Variants in HNRNPH3 observed in about 807,000 individuals in gnomAD.
The protein encoded by HNRNPH3 is heterogeneous nuclear ribonucleoprotein H3, also known as heterogeneous nuclear ribonucleoprotein 2H9.
In HNRNPH3, 7 loss-of-function variants were observed where a neutral mutation model predicts 47.0. The observed-to-expected ratio is 0.15, with a 90% confidence interval of 0.08 to 0.28. The LOEUF (loss-of-function observed/expected upper bound fraction) is 0.28, where lower values mean the gene tolerates loss of function less well. HNRNPH3 is among the 10% of genes least tolerant of loss of function. The pLI is 1.00. For synonymous variants in HNRNPH3, 120 were observed against 143.2 expected (o/e 0.84, Z 1.16); for missense variants, 279 against 449.6 (o/e 0.62, Z 3.43).
Position 68,341,240 on chromosome 10 carries a change from G to A in HNRNPH3, c.706G>A (p.Glu236Lys). The A allele has an allele frequency of 1.9e-6, 3 of 1,605,104 alleles. No homozygotes were observed. The highest frequency in any genetic ancestry group is 2.5e-6 in the Non-Finnish European group (3 of 1,177,282). The change falls in exon 7 of 10, where the codon GAA becomes AAA. Residue 236 changes from glutamate (E) to lysine (K), a missense_variant. Coordinates refer to ENST00000265866, the MANE Select transcript of HNRNPH3 (RefSeq NM_012207.3). ...DIGADGRATG[E>K]ADVEFVTHED... ...TGGAGCTGATGGCAGAGCCACAGGA[G>A]AAGCAGATGTAGAGTTTGTGACACA...
At chr10:68,340,115 A>G (rs1171582547) in intron 6 of HNRNPH3, among the ~76,000 whole-genome samples, 2 of 151,700 alleles carry the variant, frequency 1.3e-5, no homozygotes, top group African/African-American at 4.9e-5. Flanking sequence ...GCTCACTGCA[A>G]CCTCCACCTC....
In HNRNPH3 at chr10:68,339,174, T is replaced by C; in HGVS notation, c.471T>C (p.Asn157=). The part of the protein sequence containing the change: ...YGGFDDYGGY[N]NYGYGNDGFD... ...GTTTTGATGACTATGGTGGCTATAA[T>C]AATTACGGCTATGGGAATGATGGCT... is the stretch of plus-strand genomic sequence containing the variant. Residue 157 remains asparagine (N), a synonymous_variant, in exon 5 of 10, where the codon AAT becomes AAC. Coordinates refer to ENST00000265866, the MANE Select transcript of HNRNPH3 (RefSeq NM_012207.3). 6.2e-7 allele frequency: 1 copy of C among 1,610,704 alleles called. No homozygotes were observed.
Position 68,338,695 on chromosome 10 carries a change from T to C in HNRNPH3, c.436+8T>C. 1 of 1,558,960 alleles carries C rather than the reference T, an allele frequency of 6.4e-7. No homozygotes were observed. Among genetic ancestry groups the C allele is most frequent in the East Asian group, 2.3e-5 (1 of 43,680 alleles). On this transcript the variant is annotated splice_region_variant and intron_variant, in intron 4 of 9. Transcript: ENST00000265866. Reference sequence around the variant, plus strand: ...GTGATGGATATGATGGTGGTATGTGTATCTAATGAACAAAGGTTCTGTTGT... The same window carrying C: ...GTGATGGATATGATGGTGGTATGTGCATCTAATGAACAAAGGTTCTGTTGT...
chr10:68,334,268 T>G (rs1016709784), intron 1 of HNRNPH3, among the ~76,000 whole-genome samples: 3 of 152,254 alleles, frequency 2.0e-5, no homozygotes, highest in African/African-American at 7.2e-5. Context: ...AAATTCATTC[T>G]CATTTCTTGA....
chr10:68,336,593 ATCT>A (rs1364914520), intron 1 of HNRNPH3, among the ~76,000 whole-genome samples: 4 of 152,144 alleles, frequency 2.6e-5, no homozygotes, highest in Admixed American at 2.6e-4. Flanking sequence ...TCATTTTATA[ATCT>A]TGCTCTTGGT....
chr10:68,339,180 C>G lies in HNRNPH3; in HGVS notation c.477C>G (p.Tyr159Ter), dbSNP rs112332074. The G allele has an allele frequency of 1.9e-6, 3 of 1,609,416 alleles. No homozygotes were observed. The highest frequency in any genetic ancestry group is 1.3e-5 in the African/African-American group (1 of 74,758). The change falls in exon 5 of 10, where the codon TAC becomes TAG. Residue 159 changes from tyrosine to a stop codon, truncating the protein, a stop_gained. Transcript: ENST00000265866. LOFTEE classifies it high-confidence loss of function. ...GFDDYGGYNN[Y>*]GYGNDGFDDR... ...ATGACTATGGTGGCTATAATAATTA[C>G]GGCTATGGGAATGATGGCTTTGATG...
intron 1 of HNRNPH3, chr10:68,336,835 T>C (rs1178722802): frequency 5.9e-6 from 1 of 168,560 alleles, no homozygotes; most frequent in African/African-American, 2.4e-5. Flanking sequence ...ATCAGTTGAA[T>C]AAAAACCTGA....
In HNRNPH3 at chr10:68,340,794, C is replaced by G. The variant is rs527456580; in HGVS notation, c.640-380C>G. Among the ~76,000 whole-genome samples the G allele has an allele frequency of 2.1e-5, 3 of 139,902 alleles. No individual in the cohort carries two copies. The South Asian group carries it at 7.1e-4, about 33-fold the overall frequency. 91.8% of individuals were successfully genotyped at this position (139,902 alleles called of 152,430 possible). A position where few individuals can be genotyped will look rare whatever the true frequency, so the allele number is the denominator to read the frequency against. On this transcript the variant is annotated intron_variant, in intron 6 of 9. Transcript: ENST00000265866. Reference sequence around the variant, plus strand: ...AAATCATGATATCCCGTATTTCTCTCTGTGTGTTTGTGTGCTTTTTTTTTT... The same window carrying G: ...AAATCATGATATCCCGTATTTCTCTGTGTGTGTTTGTGTGCTTTTTTTTTT...
At position 68,341,673 on chromosome 10, in the gene HNRNPH3, T is replaced by C; in HGVS notation, c.864T>C (p.Asp288=). ...GGSGMGGYGR[D]GMDNQGGYGS... ...CTGGAATGGGAGGCTACGGAAGAGA[T>C]GGAATGGGTATGTAAAGTTTTTAAA... Residue 288 remains aspartate, a synonymous_variant, in exon 8 of 10, where the codon GAT becomes GAC. Transcript: ENST00000265866. The C allele has an allele frequency of 6.2e-7, 1 of 1,611,612 alleles. No individual in the cohort carries two copies. Among genetic ancestry groups the C allele is most frequent in the Non-Finnish European group, 8.5e-7 (1 of 1,177,970 alleles).
intron 7 of HNRNPH3, 119 bp from the exon 8 acceptor site, chr10:68,341,466 G>A: frequency 2.0e-6 from 2 of 997,118 alleles, no homozygotes; most frequent in Non-Finnish European, 1.5e-6. Context: ...CGCTGTACTA[G>A]TAATTAATAA....
At chr10:68,333,605 C>T (rs1008162119) in intron 1 of HNRNPH3, among the ~76,000 whole-genome samples, 1 of 152,048 alleles carries the variant, frequency 6.6e-6, no homozygotes, top group African/African-American at 2.4e-5. Flanking sequence ...AATAAGCCTA[C>T]TAAACATAAA....
In HNRNPH3 at chr10:68,337,016, C is replaced by T. The variant is rs1012924609; in HGVS notation, c.-23-183C>T. 1 of 481,384 alleles carries T rather than the reference C, an allele frequency of 2.1e-6. No homozygotes were observed. Among genetic ancestry groups the T allele is most frequent in the Non-Finnish European group, 3.7e-6 (1 of 271,478 alleles). 29.8% of individuals were successfully genotyped at this position (481,384 alleles called of 1,614,324 possible). A position where few individuals can be genotyped will look rare whatever the true frequency, so the allele number is the denominator to read the frequency against. On this transcript the variant is annotated intron_variant, in intron 1 of 9. Transcript: ENST00000265866. The surrounding 1 kb of genome is among the most constrained non-coding windows in gnomAD (Gnocchi z 4.5). ...ACTTTTCCGTAGGAGGGGGTCAGGTCTCATTGCCTTTTCCGTACCCCAAAA... is the reference window on the plus strand; with the variant it reads ...ACTTTTCCGTAGGAGGGGGTCAGGTTTCATTGCCTTTTCCGTACCCCAAAA...
chr10:68,340,025 T>C (rs1338217573), intron 6 of HNRNPH3, among the ~76,000 whole-genome samples: 3 of 151,364 alleles, frequency 2.0e-5, no homozygotes, highest in African/African-American at 4.9e-5. Context: ...TCTTTTGTTG[T>C]ACCGTTTTTT....
At chr10:68,336,263 T>C (rs1409684266) in intron 1 of HNRNPH3, among the ~76,000 whole-genome samples, 2 of 152,144 alleles carry the variant, frequency 1.3e-5, no homozygotes, top group Non-Finnish European at 1.5e-5. Context: ...AAGGTTCTGG[T>C]AAGTTTCTGC....
Position 68,339,062 on chromosome 10 carries a change from A to C in HNRNPH3, c.437-78A>C, listed in dbSNP as rs2045683630. On this transcript the variant is annotated intron_variant, in intron 4 of 9. Coordinates refer to ENST00000265866, the MANE Select transcript of HNRNPH3 (RefSeq NM_012207.3). ...ATCAAGTTACACAGACTGTTACCAC[A>C]AAATGTTTTTGTAAACTAAATTATA... 2.5e-6 allele frequency: 3 copies of C among 1,199,026 alleles called. No homozygotes were observed. The Admixed American group carries it at 6.5e-5, about 26-fold the overall frequency. The allele number at this position is 1,199,026 out of a possible 1,614,324, so 74.3% of individuals were successfully genotyped here.
rs2046068673 is a variant in HNRNPH3, at chr10:68,343,160, A to G, written c.*1106A>G. ...AACTTGTTACTTGTTTTTGCCAGAA[A>G]TGTTATTAATAAATGTCATTGTGGG... On this transcript the variant is annotated 3_prime_UTR_variant, in exon 10 of 10. Coordinates refer to ENST00000265866, the MANE Select transcript of HNRNPH3 (RefSeq NM_012207.3). 1 of 152,224 alleles carries G rather than the reference A, an allele frequency of 6.6e-6. No homozygotes were observed. 9.4% of individuals were successfully genotyped at this position (152,224 alleles called of 1,614,324 possible).
Position 68,342,228 on chromosome 10 carries a change from A to G in HNRNPH3, c.*174A>G, listed in dbSNP as rs1434858023. ...ATGGGAAAATGTTTTCTGTAGGTTTATTTGTTGCATACTTTGACTTAAAAA... is the reference window on the plus strand; with the variant it reads ...ATGGGAAAATGTTTTCTGTAGGTTTGTTTGTTGCATACTTTGACTTAAAAA... On this transcript the variant is annotated 3_prime_UTR_variant, in exon 10 of 10. Transcript: ENST00000265866. 2 of 527,154 alleles carry G rather than the reference A, an allele frequency of 3.8e-6. No homozygotes were observed. Among genetic ancestry groups the G allele is most frequent in the Admixed American group, 3.7e-5 (1 of 27,254 alleles). 32.7% of individuals were successfully genotyped at this position (527,154 alleles called of 1,614,324 possible). A position where few individuals can be genotyped will look rare whatever the true frequency, so the allele number is the denominator to read the frequency against.
intron 1 of HNRNPH3, among the ~76,000 whole-genome samples, chr10:68,336,384 A>AG (rs921257137): frequency 8.5e-5 from 13 of 152,152 alleles, no homozygotes; most frequent in African/African-American, 2.7e-4. Flanking sequence ...TTGGAGGGGA[A>AG]GGGGGGCTTC....
Position 68,342,023 on chromosome 10 carries a change from T to C in HNRNPH3, c.1010T>C (p.Met337Thr), listed in dbSNP as rs1414709811. ...GGAGGTTACTATGGGCAAGGCGGCA[T>C]GAGTGGAGGTGGATGGCGTGGGATG... ...GSGGYYGQGG[M>T]SGGGWRGMY The change falls in exon 10 of 10, where the codon ATG (methionine) becomes ACG (threonine). Residue 337 changes from methionine to threonine, a missense_variant. Physicochemically the swap from Met to Thr is moderately conservative, Grantham distance 81. Coordinates refer to ENST00000265866, the MANE Select transcript of HNRNPH3 (RefSeq NM_012207.3). 1.2e-6 allele frequency: 2 copies of C among 1,614,014 alleles called. No homozygotes were observed. The highest frequency in any genetic ancestry group is 1.7e-5 in the Admixed American group (1 of 59,994).
Sources: allele counts gnomAD v4.1 joint callset (sites outside exome capture counted in the v4.1 genomes callset), GRCh38; gene constraint gnomAD v4.1.1; non-coding constraint Gnocchi (gnomAD v3.1); transcripts MANE v1.5; gene names NCBI Gene and HGNC (gene_info 2026-07-23, HGNC 2026-07-21).